Variants in SPTBN4 observed in about 807,000 individuals in gnomAD.
The protein encoded by SPTBN4 is spectrin beta chain, non-erythrocytic 4.
In SPTBN4, 96 loss-of-function variants were observed where a neutral mutation model predicts 277.8. That is an observed-to-expected ratio of 0.35 (90% confidence interval 0.29 to 0.41). The LOEUF (loss-of-function observed/expected upper bound fraction) is 0.41, where lower values mean the gene tolerates loss of function less well. Ranked by LOEUF, SPTBN4 falls within the 10% of genes least tolerant of loss-of-function variation. The pLI, the probability that SPTBN4 is intolerant of heterozygous loss-of-function variation, is 1.00. For synonymous variants in SPTBN4, 1,481 were observed against 1,580.3 expected (o/e 0.94, Z 1.49); for missense variants, 3,006 against 3,595.7 (o/e 0.84, Z 4.19).
Position 40,549,417 on chromosome 19 carries a change from AGGCCAGCGCAGG to A in SPTBN4, c.4584+9_4584+20del. 3 of 929,116 alleles carry A rather than the reference AGGCCAGCGCAGG, an allele frequency of 3.2e-6. No homozygotes were observed. The highest frequency in any genetic ancestry group is 4.1e-6 in the Non-Finnish European group (3 of 724,702). The allele number at this position is 929,116 out of a possible 1,614,324, so 57.6% of individuals were successfully genotyped here. A position where few individuals can be genotyped will look rare whatever the true frequency, so the allele number is the denominator to read the frequency against. ...GCACGACCTGGACGACGAGCTGGTGAGGCCAGCGCAGGGGCCTGGGGCGGGGCGGGGCGGGGC... is the reference window on the plus strand; with the variant it reads ...GCACGACCTGGACGACGAGCTGGTGAGGCCTGGGGCGGGGCGGGGCGGGGC... On this transcript the variant is annotated splice_donor_5th_base_variant and intron_variant, in intron 21 of 35. Coordinates refer to ENST00000598249, the MANE Select transcript of SPTBN4 (RefSeq NM_020971.3).
At chr19:40,494,808 C>A (rs2080177789) in intron 5 of SPTBN4, 89 bp from the exon 6 acceptor site, 8 of 1,136,488 alleles carry the variant, frequency 7.0e-6, no homozygotes, top group Non-Finnish European at 9.0e-6. Context: ...TCTTCCTTCC[C>A]TATCATTCGG....
intron 27 of SPTBN4, among the ~76,000 whole-genome samples, chr19:40,563,999 A>G (rs2081069050): frequency 6.6e-6 from 1 of 151,296 alleles, no homozygotes; most frequent in African/African-American, 2.4e-5. Context: ...GTGAGCCAAG[A>G]TCACGCCATT....
rs745972195 is a variant in SPTBN4 at position 40,497,621 on chromosome 19, C to T, written c.784+17C>T. 1 of 1,606,462 alleles carries T rather than the reference C, an allele frequency of 6.2e-7. No individual in the cohort carries two copies. Among genetic ancestry groups the T allele is most frequent in the Admixed American group, 1.7e-5 (1 of 60,008 alleles). The stretch of plus-strand genomic sequence containing the variant: ...ATCCTGAAGGTGAGCCTCTCGCGGG[C>T]CCAGCCCAGACTTCGTCTTGGGGGA... On this transcript the variant is annotated intron_variant, in intron 7 of 35. Coordinates refer to ENST00000598249, the MANE Select transcript of SPTBN4 (RefSeq NM_020971.3).
Position 40,519,077 on chromosome 19 carries a change from C to T in SPTBN4, c.2904-324C>T, listed in dbSNP as rs1180310828. Among the ~76,000 whole-genome samples, 1 of 152,170 alleles carries T rather than the reference C, an allele frequency of 6.6e-6. No individual in the cohort carries two copies. The highest frequency in any genetic ancestry group is 1.5e-5 in the Non-Finnish European group (1 of 68,034). ...AGCTGGGCTTCTCTTAAATCAGAGT[C>T]GGCTTCTGCTCTCAGTCTCTCCTGC... is the stretch of plus-strand genomic sequence containing the variant. On this transcript the variant is annotated intron_variant, in intron 15 of 35. Coordinates refer to ENST00000598249, the MANE Select transcript of SPTBN4 (RefSeq NM_020971.3). The surrounding 1 kb of genome is among the most constrained non-coding windows in gnomAD (Gnocchi z 5.7).
intron 2 of SPTBN4, among the ~76,000 whole-genome samples, chr19:40,484,220 A>T (rs1307647739): frequency 6.6e-6 from 1 of 152,108 alleles, no homozygotes; most frequent in Non-Finnish European, 1.5e-5. Flanking sequence ...CCTTAACCCC[A>T]CTATTGATAA....
At chr19:40,489,338 G>C (rs1772528772) in intron 3 of SPTBN4, among the ~76,000 whole-genome samples, 1 of 152,066 alleles carries the variant, frequency 6.6e-6, no homozygotes, top group South Asian at 2.1e-4. Flanking sequence ...GATGGGCGTG[G>C]TTCTAGCTAG....
At chr19:40,530,031 A>T (rs1055016419) in intron 18 of SPTBN4, among the ~76,000 whole-genome samples, 1 of 152,106 alleles carries the variant, frequency 6.6e-6, no homozygotes, top group Non-Finnish European at 1.5e-5. Flanking sequence ...TAACTGGGGT[A>T]GGCCGGGACT....
At chr19:40,506,869 C>T (rs932577687) in intron 13 of SPTBN4, among the ~76,000 whole-genome samples, 1 of 151,840 alleles carries the variant, frequency 6.6e-6, no homozygotes, top group Non-Finnish European at 1.5e-5. Flanking sequence ...CCTGTAGTGC[C>T]AGCTATTTGG....
In SPTBN4 at chr19:40,570,679, T is replaced by C; in HGVS notation, c.7270T>C (p.Phe2424Leu). The C allele has an allele frequency of 4.4e-6, 7 of 1,606,144 alleles. No individual in the cohort carries two copies. Among genetic ancestry groups the C allele is most frequent in the Non-Finnish European group, 5.9e-6 (7 of 1,177,156 alleles). Residue 2424 changes from phenylalanine (F) to leucine (L), a missense_variant, in exon 33 of 36, where the codon TTC (phenylalanine) becomes CTC (leucine). Physicochemically the swap from Phe to Leu is conservative, Grantham distance 22 (BLOSUM62 0). Coordinates refer to ENST00000598249, the MANE Select transcript of SPTBN4 (RefSeq NM_020971.3). ...CACTCACACAGTGCAGCACGAGGGC[T>C]TCCTACTGCGCAAGCGCGAGCTCGA... ...PPTHTVQHEGFLLRKRELDAN... is the reference protein window; with the variant it reads ...PPTHTVQHEGLLLRKRELDAN...
At chr19:40,524,615 A>G (rs1270927783) in intron 17 of SPTBN4, 1 of 456,434 alleles carries the variant, frequency 2.2e-6, no homozygotes, top group Non-Finnish European at 4.4e-6. Context: ...TCCAGCAGCT[A>G]GAGGCCAGGC....
chr19:40,484,887 G>A (rs889581914), intron 2 of SPTBN4, among the ~76,000 whole-genome samples: 12 of 151,724 alleles, frequency 7.9e-5, no homozygotes, highest in African/African-American at 9.7e-5. Flanking sequence ...AGCTGAGATC[G>A]CGCCACTGCA....
rs1333302001 is a variant in SPTBN4 at position 40,566,208 on chromosome 19, C to T, written c.6185C>T (p.Ala2062Val). The T allele has an allele frequency of 6.5e-7, 1 of 1,547,856 alleles. No homozygotes were observed. The highest frequency in any genetic ancestry group is 8.7e-7 in the Non-Finnish European group (1 of 1,144,792). ...QFAQEAVVAD[A>V]WLTAQEPLLQ... is the part of the protein sequence containing the mutation. ...GCCCAGGAGGCGGTGGTGGCTGATG[C>T]CTGGCTGACAGCCCAGGAGCCGCTC... The change falls in exon 30 of 36, where the codon GCC becomes GTC. Residue 2062 changes from alanine to valine, a missense_variant. Around this residue, in one of 5 missense-constraint regions of SPTBN4, gnomAD observed 425 missense variants for 594.7 expected, o/e 0.71. Coordinates refer to ENST00000598249, the MANE Select transcript of SPTBN4 (RefSeq NM_020971.3).
chr19:40,502,545 T>C lies in SPTBN4; in HGVS notation c.1203+38T>C. 6.4e-7 allele frequency: 1 copy of C among 1,570,108 alleles called. No individual in the cohort carries two copies. ...ATGCAGGGGAGAGGCGGGGTTGCAC[T>C]GTGGAGTTGTATAGGTTGCACACTG... On this transcript the variant is annotated intron_variant, in intron 10 of 35. Transcript: ENST00000598249. This position sits in a 1 kb window ranked among gnomAD's most constrained non-coding sequence, Gnocchi z 4.9.
At chr19:40,574,914 C>G (rs761708131) in intron 35 of SPTBN4, among the ~76,000 whole-genome samples, 23 of 150,406 alleles carry the variant, frequency 1.5e-4, no homozygotes, top group Non-Finnish European at 3.4e-4. Context: ...ACTCAGGAGA[C>G]TGAGGCACAA....
chr19:40,561,955 G>A (rs922312989), intron 27 of SPTBN4, among the ~76,000 whole-genome samples: 1 of 152,196 alleles, frequency 6.6e-6, no homozygotes, highest in Non-Finnish European at 1.5e-5. Flanking sequence ...GAAGTGATGG[G>A]TGAGTCAGGT....
chr19:40,540,856 G>T (rs1265106504), intron 20 of SPTBN4, among the ~76,000 whole-genome samples: 4 of 150,134 alleles, frequency 2.7e-5, no homozygotes, highest in Non-Finnish European at 5.9e-5. Context: ...GTAATTTGGA[G>T]GTGGTAAATG....
At chr19:40,565,858 C>G in intron 29 of SPTBN4, 113 bp downstream of exon 29, 1 of 1,188,262 alleles carries the variant, frequency 8.4e-7, no homozygotes, top group South Asian at 1.5e-5. Flanking sequence ...CCATGGGTCT[C>G]CAGAAGCAAA....
At chr19:40,534,739 C>T (rs1599776256) in intron 20 of SPTBN4, 2 of 205,354 alleles carry the variant, frequency 9.7e-6, no homozygotes, top group African/African-American at 2.3e-5. Flanking sequence ...CAAGCACTCA[C>T]TGAACTCATC....
intron 24 of SPTBN4, among the ~76,000 whole-genome samples, chr19:40,555,526 A>G (rs1476697355): frequency 6.6e-6 from 1 of 150,792 alleles, no homozygotes; most frequent in Admixed American, 6.6e-5. Flanking sequence ...AAAAAAAAGA[A>G]AGGAAACTGG....
Sources: gnomAD v4.1 joint callset for allele counts (sites outside exome capture counted in the v4.1 genomes callset) on GRCh38, gnomAD v4.1.1 for gene constraint, gnomAD v4.1.1 regional missense constraint, Gnocchi (gnomAD v3.1) non-coding constraint, MANE v1.5 for transcripts, NCBI Gene and HGNC (gene_info 2026-07-23, HGNC 2026-07-21) for gene names.